The following TPTE2 variants were observed in gnomAD, a reference collection of about 807,000 sequenced individuals.
The protein encoded by TPTE2 is transmembrane phosphoinositide 3-phosphatase and tensin homolog 2.
A neutral mutation model predicts 78.6 loss-of-function variants in TPTE2; 53 were observed. That is an observed-to-expected ratio of 0.67 (90% CI 0.54 to 0.85). The LOEUF (loss-of-function observed/expected upper bound fraction) is 0.85. TPTE2 is among the 40% of genes least tolerant of loss of function. The pLI is 0.00. For missense variants in TPTE2, 461 were observed against 623.0 expected, an observed-to-expected ratio of 0.74 and a Z score of 2.77; for synonymous variants, 175 against 206.2, an observed-to-expected ratio of 0.85 and a Z score of 1.30.
At chr13:19,484,018 C>G (rs542620884) in intron 3 of TPTE2, among the ~76,000 whole-genome samples, 1 of 146,390 alleles carries the variant, frequency 6.8e-6, no homozygotes, top group East Asian at 2.1e-4. Flanking sequence ...TGAGTGAGAA[C>G]ATGTGATGTT....
At chr13:19,559,498 G>C in the TPTE2 span, among the ~76,000 whole-genome samples, 1 of 150,268 alleles carries the variant, frequency 6.7e-6, no homozygotes. Flanking sequence ...CCACCCCAGG[G>C]GTCCAGGGGC....
intron 10 of TPTE2, among the ~76,000 whole-genome samples, chr13:19,461,511 A>G (rs963026379): frequency 1.3e-5 from 2 of 152,180 alleles, no homozygotes; most frequent in African/African-American, 4.8e-5. Flanking sequence ...ACAGAACACC[A>G]GAACTTTTTC....
At chr13:19,540,975 G>A (rs1871421866), upstream of TPTE2, among the ~76,000 whole-genome samples, 1 of 152,180 alleles carries the variant, frequency 6.6e-6, no homozygotes, top group East Asian at 1.9e-4. Flanking sequence ...GTTTCTGAGA[G>A]TCTCCTGCTC....
chr13:19,472,280 A>G (rs1879667369), intron 6 of TPTE2, among the ~76,000 whole-genome samples: 1 of 152,104 alleles, frequency 6.6e-6, no homozygotes, highest in Non-Finnish European at 1.5e-5. Flanking sequence ...CCTCCTCTTT[A>G]AGGCCAATAC....
chr13:19,468,032 T>C (rs1879386500), intron 6 of TPTE2, among the ~76,000 whole-genome samples: 1 of 92,074 alleles, frequency 1.1e-5, no homozygotes, highest in Non-Finnish European at 2.1e-5. Flanking sequence ...TCTCTTTTTT[T>C]TTTTTTTTTT....
chr13:19,454,604 T>C (rs1195873637), intron 10 of TPTE2, among the ~76,000 whole-genome samples: 1 of 152,170 alleles, frequency 6.6e-6, no homozygotes, highest in Non-Finnish European at 1.5e-5. Flanking sequence ...AAACACATGA[T>C]TACCTCCTTT....
chr13:19,534,416 G>T (rs1871082598), intron 1 of TPTE2, among the ~76,000 whole-genome samples: 1 of 152,146 alleles, frequency 6.6e-6, no homozygotes, highest in Non-Finnish European at 1.5e-5. Flanking sequence ...ATGCCTAAGG[G>T]TTTTCTAACT....
At chr13:19,464,315 T>C in intron 10 of TPTE2, 141 bp downstream of exon 13, 1 of 858,378 alleles carries the variant, frequency 1.2e-6, no homozygotes. Flanking sequence ...CAATTGTAAC[T>C]GGTATCAATC....
chr13:19,526,222 G>A (rs1485065435), intron 1 of TPTE2, among the ~76,000 whole-genome samples: 1 of 152,158 alleles, frequency 6.6e-6, no homozygotes, highest in Admixed American at 6.5e-5. Flanking sequence ...CTACCATGAA[G>A]ACACATGCAC....
At chr13:19,477,068 T>C (rs1374612289) in intron 4 of TPTE2, among the ~76,000 whole-genome samples, 1 of 152,172 alleles carries the variant, frequency 6.6e-6, no homozygotes, top group Non-Finnish European at 1.5e-5. Context: ...TGTGGGAACA[T>C]GGATGGATCT....
intron 6 of TPTE2, among the ~76,000 whole-genome samples, chr13:19,468,751 C>T (rs1038908756): frequency 1.1e-4 from 16 of 152,090 alleles, no homozygotes; most frequent in South Asian, 2.1e-4. Flanking sequence ...TTCTACACTG[C>T]GAATTTCTCT....
At chr13:19,560,537 A>C in the TPTE2 span, 1 of 1,591,608 alleles carries the variant, frequency 6.3e-7, no homozygotes, top group Non-Finnish European at 8.6e-7. Context: ...GACAGCGATG[A>C]GAAGCCTGGG....
rs375836980 is a variant in TPTE2 at position 19,493,416 on chromosome 13, C to T, written c.65+32G>A. ...ATAGTTCTATGCACACTTATGCTGACGGGTGACTTTATTTAACTATTTATT... is the reference window on the plus strand; with the variant it reads ...ATAGTTCTATGCACACTTATGCTGATGGGTGACTTTATTTAACTATTTATT... On this transcript the variant is annotated intron_variant, in intron 2 of 19. Transcript: ENST00000400230. 1.4e-4 allele frequency: 219 copies of T among 1,607,934 alleles called. No homozygotes were observed. The African/African-American group carries it at 2.1e-3, about 15-fold the overall frequency.
intron 10 of TPTE2, 73 bp from the exon 14 acceptor site, chr13:19,451,298 A>C: frequency 6.3e-7 from 1 of 1,586,154 alleles, no homozygotes. Flanking sequence ...GGGAACCTAA[A>C]ATGGTTATTA....
intron 10 of TPTE2, among the ~76,000 whole-genome samples, chr13:19,461,613 T>C (rs1827931570): frequency 1.3e-5 from 2 of 152,302 alleles, no homozygotes; most frequent in Non-Finnish European, 2.9e-5. Flanking sequence ...AGGCCCCAAC[T>C]GTTATTGCAT....
At chr13:19,506,240 C>A (rs368281732), upstream of TPTE2, among the ~76,000 whole-genome samples, 1 of 113,252 alleles carries the variant, frequency 8.8e-6, no homozygotes, top group Non-Finnish European at 1.7e-5. Context: ...GGCGGGATCT[C>A]GGCTCACTGC....
intron 1 of TPTE2, among the ~76,000 whole-genome samples, chr13:19,534,107 A>T (rs1305430502): frequency 6.6e-6 from 1 of 152,216 alleles, no homozygotes; most frequent in East Asian, 1.9e-4. Flanking sequence ...CCTACTGAAC[A>T]TCAGAGCTTA....
chr13:19,436,345 A>G (rs1877085464), intron 14 of TPTE2, 39 bp from the exon 18 acceptor site: 1 of 1,560,384 alleles, frequency 6.4e-7, no homozygotes, highest in African/African-American at 1.4e-5. Flanking sequence ...GTTCATCTGC[A>G]CTCTTTCCTT....
the TPTE2 span, among the ~76,000 whole-genome samples, chr13:19,554,419 A>G: frequency 6.9e-6 from 1 of 145,892 alleles, no homozygotes; most frequent in Non-Finnish European, 1.5e-5. Context: ...ATAAAATAAA[A>G]TAAATGAGGA....
Sources: allele counts gnomAD v4.1 joint callset (sites outside exome capture counted in the v4.1 genomes callset), GRCh38; gene constraint gnomAD v4.1.1; transcripts MANE v1.5; gene names NCBI Gene and HGNC (gene_info 2026-07-23, HGNC 2026-07-21).